The following DNAH9 variants were observed in gnomAD, a reference collection of about 807,000 sequenced individuals.
DNAH9 encodes the protein DNAH9 variant protein.
A neutral mutation model predicts 471.6 loss-of-function variants in DNAH9; 345 were observed. The ratio of observed to expected loss-of-function variants is 0.73; its 90% CI spans 0.67 to 0.80. DNAH9 has a LOEUF of 0.80. Ranked by LOEUF, DNAH9 falls within the 30% of genes least tolerant of loss-of-function variation. The pLI is 0.00. For missense variants in DNAH9, 5,407 were observed against 5,609.2 expected, an observed-to-expected ratio of 0.96 and a Z score of 1.15; for synonymous variants, 2,093 against 2,123.6, an observed-to-expected ratio of 0.99 and a Z score of 0.40.
chr17:11,904,612 C>CA lies in DNAH9; in HGVS notation c.11601-1048dup, dbSNP rs553855928. On this transcript the variant is annotated intron_variant, in intron 60 of 68. Coordinates refer to ENST00000262442, the MANE Select transcript of DNAH9 (RefSeq NM_001372.4). ...CACCACTGCACTCCAGCCTGGGCGACAGAGTGAGACTCCATCTCAAAAAAA... is the reference window on the plus strand; with the variant it reads ...CACCACTGCACTCCAGCCTGGGCGACAAGAGTGAGACTCCATCTCAAAAAAA... Among the ~76,000 whole-genome samples, 242 of 130,146 alleles carry CA rather than the reference C, an allele frequency of 1.9e-3. 2 individuals carry two copies. The highest frequency in any genetic ancestry group is 3.5e-3 in the Admixed American group (41 of 11,884). 85.4% of individuals were successfully genotyped at this position (130,146 alleles called of 152,430 possible).
rs1227705357 is a variant in DNAH9 at position 11,611,681 on chromosome 17, C to T, written c.805C>T (p.Leu269=). The change falls in exon 4 of 69, where the codon CTG becomes TTG. Residue 269 remains leucine (L), a synonymous_variant. Coordinates refer to ENST00000262442, the MANE Select transcript of DNAH9 (RefSeq NM_001372.4). ...YEDLKYIYNQ[L]RTITVRGMAK... is the part of the protein sequence containing the mutation. ...AGATCTGAAATACATCTATAATCAACTGAGAACAATAACGGTGAGGGGCAT... is the reference window on the plus strand; with the variant it reads ...AGATCTGAAATACATCTATAATCAATTGAGAACAATAACGGTGAGGGGCAT... 1 of 1,613,974 alleles carries T rather than the reference C, an allele frequency of 6.2e-7. No individual in the cohort carries two copies. Among genetic ancestry groups the T allele is most frequent in the East Asian group, 2.2e-5 (1 of 44,884 alleles).
intron 1 of DNAH9, among the ~76,000 whole-genome samples, chr17:11,599,806 A>G (rs1488908861): frequency 1.3e-5 from 2 of 152,200 alleles, no homozygotes; most frequent in African/African-American, 4.8e-5. Flanking sequence ...TACTGGCTGT[A>G]TGATGGTTCA....
At chr17:11,861,538 C>T (rs1438354902) in intron 50 of DNAH9, among the ~76,000 whole-genome samples, 1 of 151,524 alleles carries the variant, frequency 6.6e-6, no homozygotes, top group Non-Finnish European at 1.5e-5. Context: ...GGGTATATAC[C>T]CAGTAATGGG....
At chr17:11,880,667 G>C (rs1229805052) in intron 54 of DNAH9, among the ~76,000 whole-genome samples, 1 of 152,146 alleles carries the variant, frequency 6.6e-6, no homozygotes, top group African/African-American at 2.4e-5. Context: ...AGAGAGGAAG[G>C]AGACGGGCAA....
intron 61 of DNAH9, among the ~76,000 whole-genome samples, chr17:11,921,779 A>T (rs1206859989): frequency 1.3e-5 from 2 of 152,054 alleles, no homozygotes; most frequent in Non-Finnish European, 1.5e-5. Context: ...TCTCCGCCTC[A>T]TTGTCATGCC....
intron 58 of DNAH9, among the ~76,000 whole-genome samples, chr17:11,893,189 A>AAAAAG (rs1267878654): frequency 6.6e-6 from 1 of 151,370 alleles, no homozygotes. Context: ...AAAAAAAAAA[A>AAAAAG]AAAAAATGTG....
rs1567726086 is a variant in DNAH9 at position 11,694,869 on chromosome 17, C to CTTCCTTCCTTCCTTCTTTCT, written c.4872+425_4872+426insCTTCCTTCCTTCTTTCTTTC. Among the ~76,000 whole-genome samples, 2 of 284 alleles carry CTTCCTTCCTTCCTTCTTTCT rather than the reference C, an allele frequency of 7.0e-3. 1 individual carries two copies. The highest frequency in any genetic ancestry group is 0.011 in the African/African-American group (2 of 184). The allele number at this position is 284 out of a possible 152,430, so 0.2% of individuals were successfully genotyped here. A position where few individuals can be genotyped will look rare whatever the true frequency, so the allele number is the denominator to read the frequency against. On this transcript the variant is annotated intron_variant, in intron 22 of 68. Transcript: ENST00000262442. ...CCTTCCTTCCTTCCTTCCTTCCTTC[C>CTTCCTTCCTTCCTTCTTTCT]TTCTTTCTTTCTTTCTTTCTTTCTT...
intron 61 of DNAH9, among the ~76,000 whole-genome samples, chr17:11,909,073 C>T (rs1254109272): frequency 6.6e-6 from 1 of 152,146 alleles, no homozygotes; most frequent in Admixed American, 6.5e-5. Context: ...TTAGCATATC[C>T]ACGAACTCAA....
At chr17:11,852,074 C>T (rs9903576) in intron 49 of DNAH9, among the ~76,000 whole-genome samples, 74,989 of 151,938 alleles carry the variant, frequency 0.49, 19,004 homozygotes, top group Non-Finnish European at 0.53. Flanking sequence ...CCTCCCTGCC[C>T]TCACAGGTGT....
chr17:11,815,796 A>C (rs1162382973), intron 45 of DNAH9, among the ~76,000 whole-genome samples: 1 of 152,154 alleles, frequency 6.6e-6, no homozygotes. Context: ...CTCCAAAAAA[A>C]GAAAAAAGAA....
chr17:11,937,316 G>C lies in DNAH9; in HGVS notation c.12490-36G>C. 6.3e-7 allele frequency: 1 copy of C among 1,577,028 alleles called. No individual in the cohort carries two copies. On this transcript the variant is annotated intron_variant, in intron 65 of 68. Transcript: ENST00000262442. This position sits in a 1 kb window ranked among gnomAD's most constrained non-coding sequence, Gnocchi z 4.1. The stretch of plus-strand genomic sequence containing the variant: ...GTGTGGGAGATGGGAGGTACGTCCT[G>C]GTTTCTTTTTAAGTGAGCTTGCCCT...
Position 11,669,770 on chromosome 17 carries a change from A to G in DNAH9, c.3329A>G (p.His1110Arg), listed in dbSNP as rs780016768. 4 of 1,614,090 alleles carry G rather than the reference A, an allele frequency of 2.5e-6. No homozygotes were observed. In the South Asian group the frequency reaches 3.3e-5, roughly 13 times the overall value. ...AGGTGGAGCCTCCTGTTCAAACAGC[A>G]TCTTGTGGACCACGTCACTCACAGG... The part of the protein sequence containing the change: ...IKRWSLLFKQ[H>R]LVDHVTHSLA... The change falls in exon 17 of 69, where the codon CAT becomes CGT. Residue 1110 changes from histidine (H) to arginine (R), a missense_variant. Transcript: ENST00000262442.
chr17:11,655,907 CACACAT>C (rs2073636220), intron 14 of DNAH9, among the ~76,000 whole-genome samples: 1 of 151,760 alleles, frequency 6.6e-6, no homozygotes, highest in East Asian at 1.9e-4. Context: ...TATACACACA[CACACAT>C]ACACACACAC....
In DNAH9 at chr17:11,873,789, T is replaced by C. The variant is rs1291010589; in HGVS notation, c.10243-1160T>C. On this transcript the variant is annotated intron_variant, in intron 52 of 68. Coordinates refer to ENST00000262442, the MANE Select transcript of DNAH9 (RefSeq NM_001372.4). ...GTTGAATGAGTATGGGATTTGGGGGTGATGAAATGTTTTGGGGGTAGAGCC... is the reference window on the plus strand; with the variant it reads ...GTTGAATGAGTATGGGATTTGGGGGCGATGAAATGTTTTGGGGGTAGAGCC... Among the ~76,000 whole-genome samples, 3 of 128,276 alleles carry C rather than the reference T, an allele frequency of 2.3e-5. No individual in the cohort carries two copies. The Admixed American group carries it at 2.6e-4, about 11-fold the overall frequency. The allele number at this position is 128,276 out of a possible 152,430, so 84.2% of individuals were successfully genotyped here.
At chr17:11,730,035 C>G (rs1014711535) in intron 28 of DNAH9, among the ~76,000 whole-genome samples, 10 of 152,224 alleles carry the variant, frequency 6.6e-5, no homozygotes, top group Non-Finnish European at 2.9e-5. Context: ...GCCACTGACT[C>G]TTGTCCAAAC....
At chr17:11,800,350 G>A (rs1053727833) in intron 43 of DNAH9, among the ~76,000 whole-genome samples, 13 of 148,498 alleles carry the variant, frequency 8.8e-5, no homozygotes, top group African/African-American at 2.7e-4. Context: ...TTCACCTCTC[G>A]CTGTAATTAT....
chr17:11,738,545 T>C (rs978116731), intron 28 of DNAH9, among the ~76,000 whole-genome samples: 3 of 152,154 alleles, frequency 2.0e-5, no homozygotes, highest in African/African-American at 7.2e-5. Context: ...CATACCCGGC[T>C]GATTTTTGTA....
At chr17:11,705,432 C>T (rs921650574) in intron 26 of DNAH9, 2 of 443,762 alleles carry the variant, frequency 4.5e-6, no homozygotes, top group African/African-American at 3.9e-5. Context: ...TCATACACAC[C>T]CGAGTTCTAA....
At position 11,933,858 on chromosome 17, in the gene DNAH9, CTT is replaced by C. The variant is rs1448910115; in HGVS notation, c.12298-20_12298-19del. Reference sequence around the variant, plus strand: ...TGTGGAGGTCTTTCTTCCTTCCTCTCTTTCTTTCCCCCATCACTCAGGTCCCC... The same window carrying C: ...TGTGGAGGTCTTTCTTCCTTCCTCTCTCTTTCCCCCATCACTCAGGTCCCC... On this transcript the variant is annotated intron_variant, in intron 64 of 68. Transcript: ENST00000262442. 6.9e-6 allele frequency: 11 copies of C among 1,597,734 alleles called. No individual in the cohort carries two copies. Among genetic ancestry groups the C allele is most frequent in the Non-Finnish European group, 9.4e-6 (11 of 1,170,002 alleles).
Sources: gnomAD v4.1 joint callset for allele counts (sites outside exome capture counted in the v4.1 genomes callset) on GRCh38, gnomAD v4.1.1 for gene constraint, Gnocchi (gnomAD v3.1) non-coding constraint, MANE v1.5 for transcripts, NCBI Gene and HGNC (gene_info 2026-07-23, HGNC 2026-07-21) for gene names.